Variants in RRAS2 observed in about 807,000 individuals in gnomAD.
RRAS2 encodes the protein ras-related protein R-Ras2.
RRAS2 carries 7 observed loss-of-function variants against 27.6 expected under a neutral mutation model. That is an observed-to-expected ratio of 0.25 (90% CI 0.14 to 0.48). The LOEUF (loss-of-function observed/expected upper bound fraction) is 0.48, where lower values mean the gene tolerates loss of function less well. Among genes scored for constraint, RRAS2 ranks in the 20% least tolerant of loss-of-function variants. RRAS2 has a pLI of 0.99. For synonymous variants in RRAS2, 86 were observed against 90.9 expected (o/e 0.95, Z 0.31); for missense variants, 178 against 256.2 (o/e 0.69, Z 2.08).
chr11:14,356,726 G>A (rs1554955468), intron 1 of RRAS2: 5 of 451,502 alleles, frequency 1.1e-5, no homozygotes, highest in African/African-American at 2.0e-5. Context: ...GAGCATCCAG[G>A]TACTATACTA....
intron 4 of RRAS2, among the ~76,000 whole-genome samples, chr11:14,287,394 T>C (rs1554945197): frequency 6.6e-6 from 1 of 152,030 alleles, no homozygotes; most frequent in African/African-American, 2.4e-5. Context: ...GTAAAAGAAA[T>C]CTCAATAAAC....
At chr11:14,293,141 A>ATT (rs1847457817) in intron 4 of RRAS2, among the ~76,000 whole-genome samples, 5 of 130,028 alleles carry the variant, frequency 3.8e-5, no homozygotes, top group Non-Finnish European at 6.4e-5. Flanking sequence ...ATATATATAT[A>ATT]TATATATATA....
intron 1 of RRAS2, among the ~76,000 whole-genome samples, chr11:14,325,769 TA>T (rs533949137): frequency 8.6e-5 from 13 of 151,956 alleles, no homozygotes; most frequent in South Asian, 4.2e-4. Context: ...TGGAAGACTG[TA>T]AAAAAAAATT....
At chr11:14,323,771 GA>G (rs1327204576) in intron 1 of RRAS2, among the ~76,000 whole-genome samples, 3 of 151,952 alleles carry the variant, frequency 2.0e-5, no homozygotes, top group African/African-American at 4.8e-5. Context: ...AAACATACAT[GA>G]AAAGAGTCCA....
At chr11:14,349,362 C>T (rs1554954494) in intron 1 of RRAS2, among the ~76,000 whole-genome samples, 1 of 148,504 alleles carries the variant, frequency 6.7e-6, no homozygotes, top group African/African-American at 2.5e-5. Flanking sequence ...GGGGGTTTCA[C>T]TGTGTTAGCC....
chr11:14,343,649 G>A (rs781948176), intron 1 of RRAS2, among the ~76,000 whole-genome samples: 7 of 151,902 alleles, frequency 4.6e-5, no homozygotes, highest in Non-Finnish European at 7.4e-5. Flanking sequence ...TGGGCAGCAC[G>A]GCGAAACCCC....
chr11:14,306,717 T>C (rs570378310), intron 1 of RRAS2, among the ~76,000 whole-genome samples: 2 of 152,178 alleles, frequency 1.3e-5, no homozygotes, highest in East Asian at 3.9e-4. Context: ...CTTCCCTCAC[T>C]GTAACTATCC....
intron 3 of RRAS2, 55 bp downstream of exon 3, chr11:14,294,705 A>G: frequency 6.4e-7 from 1 of 1,559,586 alleles, no homozygotes; most frequent in Non-Finnish European, 8.8e-7. Flanking sequence ...CAAACTCAAT[A>G]AAGTCTAGTG....
chr11:14,296,560 T>C (rs1290398681), intron 1 of RRAS2, among the ~76,000 whole-genome samples: 4 of 152,236 alleles, frequency 2.6e-5, no homozygotes, highest in Admixed American at 2.0e-4. Context: ...TCATCAGTCC[T>C]AAGAAGTCAA....
At chr11:14,362,403 C>A (rs980781486), upstream of RRAS2, among the ~76,000 whole-genome samples, 17 of 147,306 alleles carry the variant, frequency 1.2e-4, no homozygotes, top group African/African-American at 4.1e-4. Flanking sequence ...ATATGCTCAA[C>A]CCCGCCCAGA....
At chr11:14,353,622 A>C (rs542795006) in intron 1 of RRAS2, among the ~76,000 whole-genome samples, 1 of 152,018 alleles carries the variant, frequency 6.6e-6, no homozygotes, top group South Asian at 2.1e-4. Flanking sequence ...GTCCCCACTC[A>C]ATTCCTACAA....
At chr11:14,286,753 A>ACC (rs1554945096) in intron 4 of RRAS2, among the ~76,000 whole-genome samples, 4 of 152,246 alleles carry the variant, frequency 2.6e-5, no homozygotes, top group Non-Finnish European at 4.4e-5. Context: ...TGGTATATCT[A>ACC]AGTTTATCTA....
upstream of RRAS2, among the ~76,000 whole-genome samples, chr11:14,364,104 C>A (rs1374478723): frequency 6.6e-6 from 1 of 152,134 alleles, no homozygotes. Context: ...CCTGAGACAC[C>A]ACCACAGCAA....
chr11:14,336,503 T>C (rs1018718855), intron 1 of RRAS2, among the ~76,000 whole-genome samples: 3 of 149,714 alleles, frequency 2.0e-5, no homozygotes, highest in African/African-American at 7.4e-5. Context: ...GAAAAAAAAG[T>C]CTCAGCAAAG....
In RRAS2 at chr11:14,358,652, C is replaced by T. The variant is rs1288915785; in HGVS notation, c.108+111G>A. 4 of 980,200 alleles carry T rather than the reference C, an allele frequency of 4.1e-6. No homozygotes were observed. Among genetic ancestry groups the T allele is most frequent in the Non-Finnish European group, 4.9e-6 (4 of 823,808 alleles). 60.7% of individuals were successfully genotyped at this position (980,200 alleles called of 1,614,324 possible). A position where few individuals can be genotyped will look rare whatever the true frequency, so the allele number is the denominator to read the frequency against. Reference sequence around the variant, plus strand: ...GCCCTCCCGCCCCCTGGCCCCGGCCCGGGCCCGCGAGGCGCCTCTGGGGCG... The same window carrying T: ...GCCCTCCCGCCCCCTGGCCCCGGCCTGGGCCCGCGAGGCGCCTCTGGGGCG... On this transcript the variant is annotated intron_variant, in intron 1 of 5. Coordinates refer to ENST00000256196, the MANE Select transcript of RRAS2 (RefSeq NM_012250.6). The surrounding 1 kb of genome is among the most constrained non-coding windows in gnomAD (Gnocchi z 5.1).
chr11:14,299,146 CCAT>C (rs1847631664), intron 1 of RRAS2, among the ~76,000 whole-genome samples: 1 of 152,118 alleles, frequency 6.6e-6, no homozygotes, highest in Admixed American at 6.5e-5. Flanking sequence ...TAAATGTCAA[CCAT>C]AATAATAACT....
intron 1 of RRAS2, among the ~76,000 whole-genome samples, chr11:14,324,264 C>T (rs1296947734): frequency 6.7e-6 from 1 of 148,550 alleles, no homozygotes; most frequent in Non-Finnish European, 1.5e-5. Flanking sequence ...AAATAAACAG[C>T]AAAAAAAAAT....
intron 1 of RRAS2, among the ~76,000 whole-genome samples, chr11:14,333,796 A>G (rs1554952210): frequency 6.6e-6 from 1 of 152,064 alleles, no homozygotes; most frequent in African/African-American, 2.4e-5. Context: ...GGCACGTGCC[A>G]GCATGCCTGG....
At chr11:14,331,586 C>G (rs1848481950) in intron 1 of RRAS2, among the ~76,000 whole-genome samples, 1 of 151,178 alleles carries the variant, frequency 6.6e-6, no homozygotes, top group African/African-American at 2.4e-5. Context: ...CATCTATAGT[C>G]CCAGCTATTC....
Sources: gnomAD v4.1 joint callset for allele counts (sites outside exome capture counted in the v4.1 genomes callset) on GRCh38, gnomAD v4.1.1 for gene constraint, Gnocchi (gnomAD v3.1) non-coding constraint, MANE v1.5 for transcripts, NCBI Gene and HGNC (gene_info 2026-07-23, HGNC 2026-07-21) for gene names.